Variants in NREP observed in about 807,000 individuals in gnomAD.
NREP encodes the protein neuronal regeneration-related protein.
NREP carries 5 observed loss-of-function variants against 8.6 expected under a neutral mutation model. The ratio of observed to expected loss-of-function variants is 0.58; its 90% CI spans 0.30 to 1.22. The LOEUF (loss-of-function observed/expected upper bound fraction) is 1.22. Among genes scored for constraint, NREP ranks in the 50% most tolerant of loss-of-function variants. The pLI is 0.07. For synonymous variants in NREP, 27 were observed against 28.0 expected (o/e 0.96, Z 0.11); for missense variants, 86 against 82.5 (o/e 1.04, Z -0.17).
At chr5:111,976,445 C>G (rs913946615) in intron 1 of NREP, among the ~76,000 whole-genome samples, 1 of 152,236 alleles carries the variant, frequency 6.6e-6, no homozygotes, top group Non-Finnish European at 1.5e-5. Context: ...TCCTTGGAAG[C>G]AGGAACCTCC....
intron 2 of NREP, among the ~76,000 whole-genome samples, chr5:111,965,988 T>C (rs529092477): frequency 9.8e-5 from 15 of 152,308 alleles, no homozygotes; most frequent in African/African-American, 3.6e-4. Context: ...GCAACCGTGA[T>C]GTGAATGGCC....
chr5:111,889,304 C>T (rs13355315), intron 2 of NREP, among the ~76,000 whole-genome samples: 1 of 151,920 alleles, frequency 6.6e-6, no homozygotes, highest in Non-Finnish European at 1.5e-5. Context: ...CACACTTTTA[C>T]ACAATCAGAT....
intron 2 of NREP, among the ~76,000 whole-genome samples, chr5:111,909,178 G>A (rs561562146): frequency 6.6e-6 from 1 of 152,060 alleles, no homozygotes; most frequent in African/African-American, 2.4e-5. Flanking sequence ...TAGGTTGTCT[G>A]TTTACTCTGT....
intron 2 of NREP, among the ~76,000 whole-genome samples, chr5:111,860,503 A>C (rs1160955818): frequency 1.3e-5 from 2 of 152,070 alleles, no homozygotes; most frequent in African/African-American, 4.8e-5. Context: ...TCTTGAGTCC[A>C]GTCAGTTAGT....
intron 2 of NREP, among the ~76,000 whole-genome samples, chr5:111,880,298 G>T (rs1362146371): frequency 6.6e-6 from 1 of 152,030 alleles, no homozygotes; most frequent in East Asian, 1.9e-4. Context: ...TGTCTAAGTG[G>T]GTAGAATAAG....
chr5:111,780,192 G>T (rs1479860584), intron 2 of NREP, among the ~76,000 whole-genome samples: 2 of 152,210 alleles, frequency 1.3e-5, no homozygotes, highest in Admixed American at 6.5e-5. Flanking sequence ...GAAAGAGATG[G>T]AGTAGGAAGC....
At chr5:111,871,402 A>G (rs1426687730) in intron 2 of NREP, among the ~76,000 whole-genome samples, 3 of 152,160 alleles carry the variant, frequency 2.0e-5, no homozygotes, top group Non-Finnish European at 4.4e-5. Flanking sequence ...CAGGACTAGA[A>G]GTTGCTCTGG....
intron 2 of NREP, among the ~76,000 whole-genome samples, chr5:111,964,855 CAAAAAAAAAAAAAAAAAAAA>C (rs58877839): frequency 0.12 from 5,176 of 44,852 alleles, 248 homozygotes; most frequent in African/African-American, 0.3. Context: ...CTTTCAGCAG[CAAAAAAAAAAAAAAAAAAAA>C]AAAAAAAAAA....
chr5:111,742,082 C>T (rs1463963531), intron 2 of NREP, among the ~76,000 whole-genome samples: 4 of 152,118 alleles, frequency 2.6e-5, no homozygotes, highest in Admixed American at 6.6e-5. Flanking sequence ...ACAATGATGG[C>T]TCACTAATTG....
intron 2 of NREP, among the ~76,000 whole-genome samples, chr5:111,942,894 C>G (rs1489919181): frequency 6.6e-6 from 1 of 152,148 alleles, no homozygotes; most frequent in East Asian, 1.9e-4. Context: ...TAAAATGTGA[C>G]TAAGTCTAGT....
At chr5:111,770,706 A>T (rs1006872411) in intron 2 of NREP, among the ~76,000 whole-genome samples, 2 of 151,552 alleles carry the variant, frequency 1.3e-5, no homozygotes, top group Admixed American at 6.6e-5. Flanking sequence ...AGTACCCTGG[A>T]CTACACATGC....
chr5:111,952,835 C>A (rs1756201181), intron 2 of NREP, among the ~76,000 whole-genome samples: 1 of 152,054 alleles, frequency 6.6e-6, no homozygotes, highest in South Asian at 2.1e-4. Context: ...TATGGAATCT[C>A]TCTGTATTAT....
chr5:111,804,069 G>A (rs1752079831), intron 2 of NREP, among the ~76,000 whole-genome samples: 1 of 152,148 alleles, frequency 6.6e-6, no homozygotes, highest in African/African-American at 2.4e-5. Flanking sequence ...GTCAGGGAAA[G>A]TTTAATGAGG....
At chr5:111,903,513 T>C (rs1006095736) in intron 2 of NREP, among the ~76,000 whole-genome samples, 2 of 152,190 alleles carry the variant, frequency 1.3e-5, no homozygotes, top group Non-Finnish European at 1.5e-5. Context: ...TGCTAATATC[T>C]GACTTTGGTA....
At chr5:111,827,854 G>C (rs1367474925) in intron 2 of NREP, among the ~76,000 whole-genome samples, 1 of 151,758 alleles carries the variant, frequency 6.6e-6, no homozygotes, top group Non-Finnish European at 1.5e-5. Context: ...AAAAACAAAA[G>C]AAAACAAACA....
chr5:111,732,790 G>A (rs1299051013), intron 3 of NREP: 1 of 152,028 alleles, frequency 6.6e-6, no homozygotes, highest in African/African-American at 2.4e-5. Context: ...CTTAGGTTTT[G>A]GACAAATGAA....
At chr5:111,769,583 C>T (rs1302291793) in intron 2 of NREP, among the ~76,000 whole-genome samples, 1 of 152,180 alleles carries the variant, frequency 6.6e-6, no homozygotes, top group Non-Finnish European at 1.5e-5. Context: ...TGTAAAGATA[C>T]ACCTGAGACT....
intron 2 of NREP, among the ~76,000 whole-genome samples, chr5:111,970,148 T>C (rs1561375925): frequency 6.6e-6 from 1 of 152,196 alleles, no homozygotes. Flanking sequence ...AGGAGTAATT[T>C]TTCAACTATA....
chr5:111,811,853 A>G (rs1259220847), intron 2 of NREP, among the ~76,000 whole-genome samples: 2 of 152,176 alleles, frequency 1.3e-5, no homozygotes, highest in Non-Finnish European at 2.9e-5. Context: ...CCTCACTGAT[A>G]CTGAGTCCCA....
Sources: gnomAD v4.1 joint callset for allele counts (sites outside exome capture counted in the v4.1 genomes callset) on GRCh38, gnomAD v4.1.1 for gene constraint, MANE v1.5 for transcripts, NCBI Gene and HGNC (gene_info 2026-07-23, HGNC 2026-07-21) for gene names.